The following CTNNA3 variants were observed in gnomAD, a reference collection of about 807,000 sequenced individuals.
The protein encoded by CTNNA3 is catenin alpha 3.
A neutral mutation model predicts 95.7 loss-of-function variants in CTNNA3; 76 were observed. The observed-to-expected ratio is 0.79, with a 90% CI of 0.66 to 0.96. The LOEUF (loss-of-function observed/expected upper bound fraction) is 0.96, where lower values mean the gene tolerates loss of function less well. Among genes scored for constraint, CTNNA3 ranks in the 40% least tolerant of loss-of-function variants. CTNNA3 has a pLI of 0.00. For missense variants in CTNNA3, 1,191 were observed against 1,089.8 expected (o/e 1.09, Z -1.31); for synonymous variants, 431 against 374.4 (o/e 1.15, Z -1.74).
chr10:66,335,346 C>T (rs1303322653), intron 12 of CTNNA3, among the ~76,000 whole-genome samples: 2 of 151,930 alleles, frequency 1.3e-5, no homozygotes, highest in Non-Finnish European at 2.9e-5. Flanking sequence ...TTGTTTTTTC[C>T]CCATCTTTGT....
At chr10:67,157,692 GTCTCT>G (rs1351244698) in intron 7 of CTNNA3, among the ~76,000 whole-genome samples, 8 of 152,090 alleles carry the variant, frequency 5.3e-5, no homozygotes, top group Non-Finnish European at 1.5e-5. Flanking sequence ...ATGTAGCCCA[GTCTCT>G]AAATGTCACT....
At chr10:66,359,260 A>G (rs2092635451) in intron 12 of CTNNA3, among the ~76,000 whole-genome samples, 1 of 152,134 alleles carries the variant, frequency 6.6e-6, no homozygotes, top group Non-Finnish European at 1.5e-5. Flanking sequence ...GTAAAAAGGG[A>G]CAGAACAGGA....
intron 5 of CTNNA3, among the ~76,000 whole-genome samples, chr10:67,308,133 T>C (rs1326209018): frequency 6.6e-6 from 1 of 152,194 alleles, no homozygotes; most frequent in Non-Finnish European, 1.5e-5. Context: ...TAATTATCAT[T>C]CCTTCCCCTC....
chr10:66,485,805 C>A (rs1189587887), intron 11 of CTNNA3, among the ~76,000 whole-genome samples: 1 of 152,022 alleles, frequency 6.6e-6, no homozygotes, highest in East Asian at 1.9e-4. Context: ...AGTAAAATAA[C>A]AAACCTAGAG....
chr10:65,922,342 A>G (rs2077100997), intron 17 of CTNNA3, among the ~76,000 whole-genome samples: 1 of 152,130 alleles, frequency 6.6e-6, no homozygotes, highest in East Asian at 1.9e-4. Flanking sequence ...TTGCCAATGC[A>G]TTTTGTTAGG....
intron 5 of CTNNA3, among the ~76,000 whole-genome samples, chr10:67,471,007 G>C (rs561590937): frequency 6.6e-6 from 1 of 151,840 alleles, no homozygotes; most frequent in Non-Finnish European, 1.5e-5. Flanking sequence ...GTAGAGACCA[G>C]GTTTCACCAT....
intron 9 of CTNNA3, among the ~76,000 whole-genome samples, chr10:66,735,566 T>C (rs1849106802): frequency 6.6e-6 from 1 of 152,060 alleles, no homozygotes; most frequent in Non-Finnish European, 1.5e-5. Flanking sequence ...TATAACTTTA[T>C]ATATATTTAC....
At chr10:66,899,857 C>G (rs1161228428) in intron 7 of CTNNA3, among the ~76,000 whole-genome samples, 1 of 152,096 alleles carries the variant, frequency 6.6e-6, no homozygotes, top group Non-Finnish European at 1.5e-5. Context: ...GAAGCTCAAA[C>G]TGAGCGGAGC....
At chr10:66,540,560 GT>G (rs1282103796) in intron 10 of CTNNA3, among the ~76,000 whole-genome samples, 1 of 152,000 alleles carries the variant, frequency 6.6e-6, no homozygotes, top group Non-Finnish European at 1.5e-5. Context: ...AAGTTGAGCC[GT>G]TTTTTCATGT....
intron 1 of CTNNA3, among the ~76,000 whole-genome samples, chr10:67,676,755 A>C (rs538492052): frequency 6.6e-6 from 1 of 152,138 alleles, no homozygotes; most frequent in African/African-American, 2.4e-5. Flanking sequence ...GAGAGGCCAC[A>C]ATGATTTAAG....
At chr10:66,132,195 T>G (rs1341315454) in intron 13 of CTNNA3, among the ~76,000 whole-genome samples, 1 of 152,130 alleles carries the variant, frequency 6.6e-6, no homozygotes, top group East Asian at 1.9e-4. Context: ...TATAAGGAAC[T>G]TATACAAATC....
chr10:66,964,615 G>T (rs1450467665), intron 7 of CTNNA3, among the ~76,000 whole-genome samples: 1 of 152,130 alleles, frequency 6.6e-6, no homozygotes, highest in Non-Finnish European at 1.5e-5. Flanking sequence ...TATCTGTCAG[G>T]TGATGGTGGA....
Position 66,425,263 on chromosome 10 carries a change from T to A in CTNNA3, c.1532-45911A>T, listed in dbSNP as rs546452760. On this transcript the variant is annotated intron_variant, in intron 11 of 17. Coordinates refer to ENST00000433211, the MANE Select transcript of CTNNA3 (RefSeq NM_013266.4). Reference sequence around the variant, plus strand: ...CTATAAGATTAGCAGTTAGTTTTTTTAATCTAATATAATACATTTAATATT... The same window carrying A: ...CTATAAGATTAGCAGTTAGTTTTTTAAATCTAATATAATACATTTAATATT... 6.6e-5 allele frequency among the ~76,000 whole-genome samples: 10 copies of A among 151,934 alleles called. 1 individual carries two copies. The highest frequency in any genetic ancestry group is 5.2e-4 in the Admixed American group (8 of 15,248).
chr10:67,051,633 T>C (rs1589664539), intron 7 of CTNNA3, among the ~76,000 whole-genome samples: 1 of 152,064 alleles, frequency 6.6e-6, no homozygotes, highest in Non-Finnish European at 1.5e-5. Context: ...CTTGATCTTT[T>C]GACCTCATGA....
chr10:67,587,930 G>T (rs1842684541), intron 3 of CTNNA3, among the ~76,000 whole-genome samples: 1 of 151,850 alleles, frequency 6.6e-6, no homozygotes, highest in Admixed American at 6.6e-5. Context: ...TTGTCTGACT[G>T]GATTATTTTT....
At chr10:66,636,530 C>G (rs943089644) in intron 9 of CTNNA3, among the ~76,000 whole-genome samples, 3 of 152,078 alleles carry the variant, frequency 2.0e-5, no homozygotes, top group African/African-American at 4.8e-5. Flanking sequence ...CATATGAATT[C>G]TATTTGCACA....
chr10:66,229,791 T>C (rs1370967778), intron 13 of CTNNA3, among the ~76,000 whole-genome samples: 1 of 152,162 alleles, frequency 6.6e-6, no homozygotes, highest in East Asian at 1.9e-4. Flanking sequence ...TTTTAGCTAT[T>C]ATTTCATTAA....
intron 7 of CTNNA3, among the ~76,000 whole-genome samples, chr10:67,169,494 T>A (rs1180246675): frequency 6.6e-6 from 1 of 152,152 alleles, no homozygotes; most frequent in Non-Finnish European, 1.5e-5. Context: ...GACCATCTGA[T>A]CTTTTGACAA....
At chr10:66,460,104 C>T (rs1911325) in intron 11 of CTNNA3, among the ~76,000 whole-genome samples, 57,621 of 151,936 alleles carry the variant, frequency 0.38, 11,427 homozygotes, top group African/African-American at 0.49. Context: ...TCTGATTATA[C>T]GTTCTGTACT....
Sources: allele counts gnomAD v4.1 joint callset (sites outside exome capture counted in the v4.1 genomes callset), GRCh38; gene constraint gnomAD v4.1.1; transcripts MANE v1.5; gene names NCBI Gene and HGNC (gene_info 2026-07-23, HGNC 2026-07-21).